SYT2: variants seen among roughly 807,000 people sequenced by gnomAD.
SYT2 encodes the protein synaptotagmin 2.
A neutral mutation model predicts 39.9 loss-of-function variants in SYT2; 15 were observed. The ratio of observed to expected loss-of-function variants is 0.38; its 90% CI spans 0.25 to 0.58. SYT2 has a LOEUF of 0.58. Ranked by LOEUF, SYT2 falls within the 20% of genes least tolerant of loss-of-function variation. SYT2 has a pLI of 0.70. For synonymous variants in SYT2, 181 were observed against 204.5 expected (o/e 0.89, Z 0.98); for missense variants, 389 against 530.3 (o/e 0.73, Z 2.62).
intron 1 of SYT2, among the ~76,000 whole-genome samples, chr1:202,648,486 CT>C (rs1200536120): frequency 2.6e-5 from 4 of 152,194 alleles, no homozygotes; most frequent in East Asian, 1.9e-4. Flanking sequence ...TACATTTTCT[CT>C]GCTTTGCAGG....
At position 202,602,425 on chromosome 1, in the gene SYT2, G is replaced by A. The variant is rs1395106470; in HGVS notation, c.586C>T (p.His196Tyr). 1 of 1,614,160 alleles carries A rather than the reference G, an allele frequency of 6.2e-7. No individual in the cohort carries two copies. The highest frequency in any genetic ancestry group is 8.5e-7 in the Non-Finnish European group (1 of 1,179,996). ...DKKKKYETKV[H>Y]RKTLNPAFNE... ...AAGGCAGGGTTCAGTGTCTTCCGAT[G>A]GACTTTGGTCTCATATTTCTTCTTC... The change falls in exon 5 of 9, where the codon CAT becomes TAT. Residue 196 changes from histidine (H) to tyrosine (Y), a missense_variant. Physicochemically the swap from His to Tyr is moderately conservative, Grantham distance 83 (BLOSUM62 2). Transcript: ENST00000367268.
intron 1 of SYT2, among the ~76,000 whole-genome samples, chr1:202,655,133 G>A (rs1453016185): frequency 6.6e-6 from 1 of 152,132 alleles, no homozygotes; most frequent in Non-Finnish European, 1.5e-5. Context: ...TGTCAAAGTG[G>A]AGTCGCTGAA....
In SYT2 at chr1:202,602,862, G is replaced by A. The variant is rs1019937318; in HGVS notation, c.465+137C>T. ...ATCAATGTCCAGAGCTATAGGCCCT[G>A]CAGTTTCCAGCCTGCCTCATTCTAT... On this transcript the variant is annotated intron_variant, in intron 4 of 8. Coordinates refer to ENST00000367268, the MANE Select transcript of SYT2 (RefSeq NM_177402.5). 4.4e-5 allele frequency: 49 copies of A among 1,111,270 alleles called. No individual in the cohort carries two copies. The African/African-American group carries it at 7.3e-4, about 17-fold the overall frequency. The allele number at this position is 1,111,270 out of a possible 1,614,324, so 68.8% of individuals were successfully genotyped here. A position where few individuals can be genotyped will look rare whatever the true frequency, so the allele number is the denominator to read the frequency against.
chr1:202,648,859 C>A (rs1692139692), intron 1 of SYT2, among the ~76,000 whole-genome samples: 1 of 152,232 alleles, frequency 6.6e-6, no homozygotes, highest in Non-Finnish European at 1.5e-5. Flanking sequence ...GACAGAGAGA[C>A]CCTCCAGCTT....
intron 1 of SYT2, among the ~76,000 whole-genome samples, chr1:202,674,213 T>C (rs1251858766): frequency 6.6e-6 from 1 of 152,178 alleles, no homozygotes; most frequent in African/African-American, 2.4e-5. Flanking sequence ...GCAATTCTCG[T>C]GCCTCAGCCT....
intron 1 of SYT2, among the ~76,000 whole-genome samples, chr1:202,692,416 C>G (rs566686151): frequency 6.6e-6 from 1 of 152,286 alleles, no homozygotes; most frequent in South Asian, 2.1e-4. Context: ...GTCCCCTGCT[C>G]TAAACATTTC....
chr1:202,602,667 G>A (rs574815815), intron 4 of SYT2, 122 bp from the exon 5 acceptor site: 37 of 999,090 alleles, frequency 3.7e-5, no homozygotes, highest in Admixed American at 1.8e-4. Flanking sequence ...GGGAAATGGC[G>A]GGAGGCTGGT....
intron 1 of SYT2, among the ~76,000 whole-genome samples, chr1:202,686,712 G>C (rs1311582016): frequency 6.6e-6 from 1 of 152,088 alleles, no homozygotes; most frequent in African/African-American, 2.4e-5. Context: ...TCCCAAACAG[G>C]CCCCTGATGC....
chr1:202,617,232 G>C, intron 1 of SYT2, among the ~76,000 whole-genome samples: 1 of 152,174 alleles, frequency 6.6e-6, no homozygotes. Context: ...TTGGATCTGT[G>C]TCCCTGCCCA....
At chr1:202,644,902 A>AC (rs1692047471) in intron 1 of SYT2, among the ~76,000 whole-genome samples, 1 of 151,984 alleles carries the variant, frequency 6.6e-6, no homozygotes, top group Non-Finnish European at 1.5e-5. Context: ...GTGCTGCAGC[A>AC]CCCGCTGCTC....
chr1:202,698,930 G>A (rs1003270475), intron 1 of SYT2, among the ~76,000 whole-genome samples: 5 of 151,652 alleles, frequency 3.3e-5, no homozygotes, highest in Non-Finnish European at 7.4e-5. Context: ...CATTTGTGGA[G>A]GATTTCAGTT....
intron 1 of SYT2, among the ~76,000 whole-genome samples, chr1:202,684,583 G>A (rs570832397): frequency 1.3e-5 from 2 of 152,066 alleles, no homozygotes; most frequent in Admixed American, 6.5e-5. Context: ...TGTGAATAGC[G>A]CTGCCATGAA....
chr1:202,690,714 A>T (rs1366968088), intron 1 of SYT2, among the ~76,000 whole-genome samples: 1 of 152,244 alleles, frequency 6.6e-6, no homozygotes, highest in African/African-American at 2.4e-5. Context: ...CTAGGCACTG[A>T]ATAAGGCACT....
chr1:202,617,225 GAT>G (rs1691068790), intron 1 of SYT2, among the ~76,000 whole-genome samples: 1 of 152,190 alleles, frequency 6.6e-6, no homozygotes, highest in Non-Finnish European at 1.5e-5. Context: ...ATACAGTTTG[GAT>G]CTGTGTCCCT....
chr1:202,597,044 T>A (rs1418202935), intron 8 of SYT2, 81 bp from the exon 9 acceptor site: 6 of 1,267,526 alleles, frequency 4.7e-6, no homozygotes, highest in South Asian at 2.7e-5. Context: ...CAACCTCTAC[T>A]CCCAATGATT....
intron 1 of SYT2, among the ~76,000 whole-genome samples, chr1:202,616,565 CTCG>C (rs1482261148): frequency 1.3e-5 from 2 of 152,210 alleles, no homozygotes; most frequent in Admixed American, 6.5e-5. Flanking sequence ...GTCCACCTCA[CTCG>C]TCAGCCCCTC....
At chr1:202,693,690 G>A (rs191285329) in intron 1 of SYT2, among the ~76,000 whole-genome samples, 100 of 152,240 alleles carry the variant, frequency 6.6e-4, no homozygotes, top group African/African-American at 2.4e-3. Flanking sequence ...CCCTCCTGTG[G>A]GTCCCTGGAG....
chr1:202,659,737 CACAGAT>C (rs1319785824), intron 1 of SYT2, among the ~76,000 whole-genome samples: 1 of 152,178 alleles, frequency 6.6e-6, no homozygotes, highest in Non-Finnish European at 1.5e-5. Flanking sequence ...CTCTCTTGGG[CACAGAT>C]GGTTCTAGCT....
intron 1 of SYT2, among the ~76,000 whole-genome samples, chr1:202,630,917 T>C (rs1691567932): frequency 6.6e-6 from 1 of 152,206 alleles, no homozygotes; most frequent in Non-Finnish European, 1.5e-5. Flanking sequence ...GACTGTCCCC[T>C]TCATATGACC....
Sources: allele counts gnomAD v4.1 joint callset (sites outside exome capture counted in the v4.1 genomes callset), GRCh38; gene constraint gnomAD v4.1.1; transcripts MANE v1.5; gene names NCBI Gene and HGNC (gene_info 2026-07-23, HGNC 2026-07-21).